Variants in RYR1 observed in about 807,000 individuals in gnomAD.
RYR1 encodes the protein central core disease of muscle.
In RYR1, 342 loss-of-function variants were observed where a neutral mutation model predicts 583.5. The ratio of observed to expected loss-of-function variants is 0.59; its 90% confidence interval spans 0.54 to 0.64. The LOEUF is 0.64. RYR1 is among the 30% of genes least tolerant of loss of function. The pLI is 0.00. For synonymous variants in RYR1, 2,791 were observed against 2,822.5 expected (o/e 0.99, Z 0.35); for missense variants, 6,032 against 6,917.2 (o/e 0.87, Z 4.54).
intron 38 of RYR1, among the ~76,000 whole-genome samples, chr19:38,493,487 C>T (rs1248121760): frequency 2.0e-5 from 3 of 150,044 alleles, no homozygotes; most frequent in East Asian, 1.9e-4. Context: ...CCCCTGCCCA[C>T]GAGTTTAGAT....
At chr19:38,567,135 C>T in intron 92 of RYR1, 148 bp downstream of exon 92, 5 of 1,304,324 alleles carry the variant, frequency 3.8e-6, no homozygotes, top group Non-Finnish European at 5.2e-6. Flanking sequence ...AGGAGGGGCT[C>T]TGAGTAAAAG....
chr19:38,571,606 C>T (rs1266517185), intron 94 of RYR1, among the ~76,000 whole-genome samples: 1 of 152,188 alleles, frequency 6.6e-6, no homozygotes, highest in East Asian at 1.9e-4. Context: ...CACTACACTC[C>T]AGCCTAGGTG....
In RYR1 at chr19:38,561,389, C is replaced by A. The variant is rs761486041; in HGVS notation, c.12559C>A (p.Arg4187Ser). Reference protein sequence around the residue: ...LGRIEIMGASRRIERIYFEIS... With the variant: ...LGRIEIMGASSRIERIYFEIS... Reference sequence around the variant, plus strand: ...CCGCATCGAGATCATGGGCGCGTCACGCCGCATCGAGCGCATCTACTTCGA... The same window carrying A: ...CCGCATCGAGATCATGGGCGCGTCAAGCCGCATCGAGCGCATCTACTTCGA... Residue 4187 changes from arginine to serine, a missense_variant, in exon 90 of 106, where the codon CGC becomes AGC. Arg to Ser is a moderately radical substitution (Grantham distance 110). Coordinates refer to ENST00000359596, the MANE Select transcript of RYR1 (RefSeq NM_000540.3). The surrounding 1 kb of genome is among the most constrained non-coding windows in gnomAD (Gnocchi z 4.8). 2.5e-6 allele frequency: 4 copies of A among 1,613,414 alleles called. No homozygotes were observed. In the South Asian group the frequency reaches 3.3e-5, roughly 13 times the overall value.
chr19:38,585,792 CT>C, intron 102 of RYR1, 145 bp from the exon 103 acceptor site: 1 of 1,013,720 alleles, frequency 9.9e-7, no homozygotes, highest in Non-Finnish European at 1.5e-6. Flanking sequence ...CAATAAAGGC[CT>C]AATACTATCT....
At chr19:38,585,902 A>G in intron 102 of RYR1, 36 bp from the exon 103 acceptor site, 1 of 1,613,988 alleles carries the variant, frequency 6.2e-7, no homozygotes, top group Non-Finnish European at 8.5e-7. Flanking sequence ...GAACCAGGTC[A>G]GAGGTCGGGC....
intron 87 of RYR1, 139 bp downstream of exon 87, chr19:38,544,014 T>C (rs1475469911): frequency 2.4e-6 from 2 of 822,556 alleles, no homozygotes; most frequent in Non-Finnish European, 4.0e-6. Context: ...AGTGGCCAAA[T>C]CCATCCTCTT....
chr19:38,447,977 T>G (rs1966882888), intron 9 of RYR1, among the ~76,000 whole-genome samples: 1 of 148,746 alleles, frequency 6.7e-6, no homozygotes, highest in African/African-American at 2.5e-5. Context: ...AATTTAGGGG[T>G]CTGGAAAAAC....
Position 38,464,629 on chromosome 19 carries a change from C to G in RYR1, c.2787-10C>G. The G allele has an allele frequency of 6.4e-7, 1 of 1,571,442 alleles. No individual in the cohort carries two copies. Among genetic ancestry groups the G allele is most frequent in the Non-Finnish European group, 8.6e-7 (1 of 1,157,912 alleles). ...GGCGTGACCTGTCGCCTCCACTCCC[C>G]CACCCCCAGGACTCTGCTGGCTCTG... On this transcript the variant is annotated splice_polypyrimidine_tract_variant and intron_variant, in intron 22 of 105. Transcript: ENST00000359596.
intron 50 of RYR1, among the ~76,000 whole-genome samples, 156 bp downstream of exon 50, chr19:38,504,516 T>G (rs1970350784): frequency 6.6e-6 from 1 of 152,054 alleles, no homozygotes; most frequent in Non-Finnish European, 1.5e-5. Context: ...GGCTTCGATT[T>G]GGAGGTTATG....
intron 27 of RYR1, among the ~76,000 whole-genome samples, chr19:38,473,079 G>C (rs561678955): frequency 6.6e-6 from 1 of 152,050 alleles, no homozygotes; most frequent in Non-Finnish European, 1.5e-5. Flanking sequence ...TGACAGAGTA[G>C]ATTGTTAGAT....
In RYR1 at chr19:38,565,134, C is replaced by T; in HGVS notation, c.12800C>T (p.Ala4267Val). ...PETDEDEGAG[A>V]AEAGAEGAEE... ...ACCGACGAGGACGAGGGCGCGGGCG[C>T]GGCGGAGGCGGGCGCGGAAGGCGCG... The change falls in exon 91 of 106, where the codon GCG (alanine) becomes GTG (valine). Residue 4267 changes from alanine to valine, a missense_variant. Physicochemically the swap from Ala to Val is moderately conservative, Grantham distance 64 (BLOSUM62 0). This residue lies in a region of RYR1 where 753 missense variants were observed against 759.6 expected (regional missense o/e 0.99). Transcript: ENST00000359596. This position sits in a 1 kb window ranked among gnomAD's most constrained non-coding sequence, Gnocchi z 4.7. 2 of 1,527,192 alleles carry T rather than the reference C, an allele frequency of 1.3e-6. No individual in the cohort carries two copies. Among genetic ancestry groups the T allele is most frequent in the Non-Finnish European group, 1.8e-6 (2 of 1,141,054 alleles). 94.6% of individuals were successfully genotyped at this position (1,527,192 alleles called of 1,614,324 possible).
Position 38,524,873 on chromosome 19 carries a change from T to C in RYR1, c.10456-459T>C, listed in dbSNP as rs566153425. Among the ~76,000 whole-genome samples the C allele has an allele frequency of 4.6e-5, 7 of 152,044 alleles. No homozygotes were observed. The East Asian group carries it at 1.4e-3, about 29-fold the overall frequency. ...GGAGGGGGTATTGTACTGGGGTTCC[T>C]AGGGGATTCTGGAAGAGGACTGCTA... On this transcript the variant is annotated intron_variant, in intron 70 of 105. Coordinates refer to ENST00000359596, the MANE Select transcript of RYR1 (RefSeq NM_000540.3).
Position 38,466,357 on chromosome 19 carries a change from T to G in RYR1, c.3137T>G (p.Leu1046Arg). The change falls in exon 24 of 106, where the codon CTG becomes CGG. Residue 1046 changes from leucine (L) to arginine (R), a missense_variant. This residue lies in a region of RYR1 where 2,627 missense variants were observed against 2,961.3 expected (regional missense o/e 0.89). Transcript: ENST00000359596. ...DSLCQAVRTL[L>R]GYGYNIEPPD... The stretch of plus-strand genomic sequence containing the variant: ...CTCTGCCAGGCCGTGCGCACCCTCC[T>G]GGGCTACGGCTACAACATCGAGCCT... The G allele has an allele frequency of 6.3e-7, 1 of 1,579,682 alleles. No homozygotes were observed. Among genetic ancestry groups the G allele is most frequent in the Non-Finnish European group, 8.6e-7 (1 of 1,165,218 alleles).
chr19:38,467,533 G>A, intron 24 of RYR1, 77 bp from the exon 25 acceptor site: 4 of 1,497,990 alleles, frequency 2.7e-6, no homozygotes, highest in Non-Finnish European at 2.8e-6. Context: ...CCCAAAGCCT[G>A]TCTTCTACCA....
intron 73 of RYR1, 141 bp from the exon 74 acceptor site, chr19:38,528,165 T>C (rs2145721824): frequency 2.7e-6 from 2 of 750,158 alleles, no homozygotes; most frequent in South Asian, 1.5e-5. Flanking sequence ...CCTGACTCTG[T>C]TGGTGGAGAC....
rs118204421 is a variant in RYR1 at position 38,519,237 on chromosome 19, C to T, written c.10042C>T (p.Arg3348Cys). The T allele has an allele frequency of 7.8e-5, 126 of 1,614,010 alleles. No homozygotes were observed. The highest frequency in any genetic ancestry group is 9.5e-5 in the Non-Finnish European group (112 of 1,180,018). The change falls in exon 67 of 106, where the codon CGT becomes TGT. Residue 3348 changes from arginine to cysteine, a missense_variant. By Grantham distance (180) the Arg-to-Cys change is radical. Coordinates refer to ENST00000359596, the MANE Select transcript of RYR1 (RefSeq NM_000540.3). ...LAVFAQPIVS[R>C]ARPELLQSHF... ...AGTGTTCGCACAGCCCATTGTGAGCCGTGCACGGCCGGAGCTCCTGCAGTC... is the reference window on the plus strand; with the variant it reads ...AGTGTTCGCACAGCCCATTGTGAGCTGTGCACGGCCGGAGCTCCTGCAGTC...
In RYR1 at chr19:38,533,704, A is replaced by G. The variant is rs909310676; in HGVS notation, c.11259+968A>G. Among the ~76,000 whole-genome samples the G allele has an allele frequency of 1.1e-4, 17 of 151,708 alleles. No homozygotes were observed. The East Asian group carries it at 1.4e-3, about 12-fold the overall frequency. On this transcript the variant is annotated intron_variant, in intron 78 of 105. Transcript: ENST00000359596. The stretch of plus-strand genomic sequence containing the variant: ...CTACTCAGGAGGTTGAGGCAGGAGA[A>G]TCGCTTGAACCCGCGAGGTGGAAGT...
At chr19:38,460,786 T>G (rs1157187758) in intron 20 of RYR1, among the ~76,000 whole-genome samples, 195 bp downstream of exon 20, 1 of 152,176 alleles carries the variant, frequency 6.6e-6, no homozygotes, top group Admixed American at 6.5e-5. Context: ...AAGACCAGCC[T>G]GGCCAACACG....
At chr19:38,470,745 CAAACA>C (rs369658659) in intron 27 of RYR1, among the ~76,000 whole-genome samples, 1,722 of 152,200 alleles carry the variant, frequency 0.011, 36 homozygotes, top group African/African-American at 0.039. Flanking sequence ...CCTATCTTTA[CAAACA>C]AAACAAAACA....
Sources: allele counts gnomAD v4.1 joint callset (sites outside exome capture counted in the v4.1 genomes callset), GRCh38; gene constraint gnomAD v4.1.1; regional missense constraint gnomAD v4.1.1; non-coding constraint Gnocchi (gnomAD v3.1); transcripts MANE v1.5; gene names NCBI Gene and HGNC (gene_info 2026-07-23, HGNC 2026-07-21).